HS3ST5: variants seen among roughly 807,000 people sequenced by gnomAD.
The protein encoded by HS3ST5 is heparan sulfate-glucosamine 3-sulfotransferase 5.
In HS3ST5, 10 loss-of-function variants were observed where a neutral mutation model predicts 25.4. The ratio of observed to expected loss-of-function variants is 0.39; its 90% CI spans 0.24 to 0.67. The LOEUF (loss-of-function observed/expected upper bound fraction) is 0.67, where lower values mean the gene tolerates loss of function less well. HS3ST5 is among the 30% of genes least tolerant of loss of function. The pLI, the probability that HS3ST5 is intolerant of heterozygous loss-of-function variation, is 0.44. For missense variants in HS3ST5, 324 were observed against 420.7 expected (o/e 0.77, Z 2.01); for synonymous variants, 170 against 162.4 (o/e 1.05, Z -0.36).
At chr6:114,182,907 C>G (rs1780037477) in intron 2 of HS3ST5, among the ~76,000 whole-genome samples, 1 of 152,138 alleles carries the variant, frequency 6.6e-6, no homozygotes, top group South Asian at 2.1e-4. Context: ...TTAACATTAT[C>G]CAATTAGTTA....
chr6:114,082,356 A>T (rs1371486318), intron 3 of HS3ST5, among the ~76,000 whole-genome samples: 1 of 152,192 alleles, frequency 6.6e-6, no homozygotes, highest in Admixed American at 6.5e-5. Flanking sequence ...CTCCTCAAAA[A>T]ATTAATCTGA....
chr6:114,334,716 T>C (rs1397506930), intron 1 of HS3ST5, among the ~76,000 whole-genome samples: 1 of 152,206 alleles, frequency 6.6e-6, no homozygotes, highest in African/African-American at 2.4e-5. Context: ...CCATCCAGGT[T>C]TGTATAAGTA....
chr6:114,306,263 A>ACC (rs1203626502), intron 1 of HS3ST5, among the ~76,000 whole-genome samples: 1 of 133,966 alleles, frequency 7.5e-6, no homozygotes, highest in Non-Finnish European at 1.7e-5. Flanking sequence ...ATATACACAC[A>ACC]CACACACACA....
At chr6:114,237,301 A>G (rs749316038) in intron 1 of HS3ST5, among the ~76,000 whole-genome samples, 4 of 151,762 alleles carry the variant, frequency 2.6e-5, no homozygotes, top group Non-Finnish European at 5.9e-5. Context: ...AAGTTCAAAT[A>G]AGTCAAAAAT....
intron 3 of HS3ST5, among the ~76,000 whole-genome samples, chr6:114,150,421 A>T (rs541767980): frequency 1.3e-5 from 2 of 152,254 alleles, no homozygotes; most frequent in Non-Finnish European, 2.9e-5. Context: ...AAGCAAACGT[A>T]TAGAGGCCCA....
chr6:114,132,790 G>T (rs1037825737), intron 3 of HS3ST5, among the ~76,000 whole-genome samples: 1 of 152,174 alleles, frequency 6.6e-6, no homozygotes, highest in Non-Finnish European at 1.5e-5. Flanking sequence ...GCTAACGGCT[G>T]GACCTTGAGG....
intron 1 of HS3ST5, among the ~76,000 whole-genome samples, chr6:114,261,327 TGAG>T (rs1773162185): frequency 6.6e-6 from 1 of 152,148 alleles, no homozygotes; most frequent in Non-Finnish European, 1.5e-5. Context: ...CATGGGAAGT[TGAG>T]GGATTGGGTA....
intron 1 of HS3ST5, among the ~76,000 whole-genome samples, chr6:114,247,676 T>C (rs1219268477): frequency 1.3e-5 from 2 of 151,896 alleles, no homozygotes; most frequent in Non-Finnish European, 2.9e-5. Context: ...AGCATTCTGT[T>C]TTCTAGTCAT....
rs751584987 is a variant in HS3ST5, at chr6:114,057,367, G to C, written c.931C>G (p.Arg311Gly). Residue 311 changes from arginine (R) to glycine (G), a missense_variant, in exon 5 of 5, where the codon CGC (arginine) becomes GGC (glycine). By Grantham distance (125) the Arg-to-Gly change is moderately radical. Transcript: ENST00000312719. ...FNKCLAGSKG[R>G]IHPEVDPSVI... ...GAGGGGTCCACCTCTGGATGAATGCGCCCCTTGCTGCCCGCCAGGCACTTA... is the reference window on the plus strand; with the variant it reads ...GAGGGGTCCACCTCTGGATGAATGCCCCCCTTGCTGCCCGCCAGGCACTTA... 6.2e-7 allele frequency: 1 copy of C among 1,613,936 alleles called. No homozygotes were observed. Among genetic ancestry groups the C allele is most frequent in the East Asian group, 2.2e-5 (1 of 44,864 alleles).
In HS3ST5 at chr6:114,322,847, C is replaced by T. The variant is rs373608581; in HGVS notation, c.-339+19348G>A. On this transcript the variant is annotated intron_variant, in intron 1 of 4. Transcript: ENST00000312719. ...CTTCACAAATATTTGCATCTCCACCCGGGGGTAGGAAAATTATATTTCCTT... is the reference window on the plus strand; with the variant it reads ...CTTCACAAATATTTGCATCTCCACCTGGGGGTAGGAAAATTATATTTCCTT... Among the ~76,000 whole-genome samples, 50 of 152,266 alleles carry T rather than the reference C, an allele frequency of 3.3e-4. No homozygotes were observed. The East Asian group carries it at 7.5e-3, about 23-fold the overall frequency.
intron 1 of HS3ST5, among the ~76,000 whole-genome samples, chr6:114,308,969 G>A (rs753067488): frequency 2.0e-5 from 3 of 152,124 alleles, no homozygotes; most frequent in Admixed American, 6.5e-5. Context: ...CATGTTAACC[G>A]GCAACTAGGA....
At chr6:114,091,038 C>T (rs1296313356) in intron 3 of HS3ST5, among the ~76,000 whole-genome samples, 1 of 152,154 alleles carries the variant, frequency 6.6e-6, no homozygotes, top group Non-Finnish European at 1.5e-5. Context: ...AAAACTATTT[C>T]TTTCATTTCA....
At chr6:114,076,797 C>T (rs760835978) in intron 3 of HS3ST5, among the ~76,000 whole-genome samples, 8 of 152,070 alleles carry the variant, frequency 5.3e-5, no homozygotes, top group Non-Finnish European at 7.4e-5. Context: ...CGTGTCAAGT[C>T]GAATGGGAGA....
intron 3 of HS3ST5, among the ~76,000 whole-genome samples, chr6:114,085,923 A>T (rs912253340): frequency 7.4e-6 from 1 of 134,612 alleles, no homozygotes; most frequent in Non-Finnish European, 1.6e-5. Flanking sequence ...TTAAATTCAT[A>T]TAAATTCATT....
At chr6:114,218,285 G>A (rs1360534472) in intron 2 of HS3ST5, among the ~76,000 whole-genome samples, 3 of 152,182 alleles carry the variant, frequency 2.0e-5, no homozygotes, top group East Asian at 3.9e-4. Flanking sequence ...GGAGTGAGCC[G>A]CCGTGCCCGG....
chr6:114,308,212 T>C (rs1010874193), intron 1 of HS3ST5, among the ~76,000 whole-genome samples: 1 of 152,204 alleles, frequency 6.6e-6, no homozygotes, highest in African/African-American at 2.4e-5. Context: ...AAATTATCTC[T>C]GGAGCATAAG....
At chr6:114,341,608 T>G (rs1776877358) in intron 1 of HS3ST5, among the ~76,000 whole-genome samples, 3 of 136,208 alleles carry the variant, frequency 2.2e-5, no homozygotes, top group Non-Finnish European at 3.2e-5. Flanking sequence ...CGCGCGCGTG[T>G]GTGTTGGGTG....
At chr6:114,091,200 C>T (rs957460707) in intron 3 of HS3ST5, among the ~76,000 whole-genome samples, 5 of 152,056 alleles carry the variant, frequency 3.3e-5, no homozygotes, top group African/African-American at 7.2e-5. Flanking sequence ...CTCATTAGCC[C>T]CACTGAACTG....
At chr6:114,309,739 A>T (rs1243715878) in intron 1 of HS3ST5, among the ~76,000 whole-genome samples, 1 of 152,214 alleles carries the variant, frequency 6.6e-6, no homozygotes, top group South Asian at 2.1e-4. Flanking sequence ...CTTTGTCTCA[A>T]AAACAACAAA....
Sources: allele counts gnomAD v4.1 joint callset (sites outside exome capture counted in the v4.1 genomes callset), GRCh38; gene constraint gnomAD v4.1.1; transcripts MANE v1.5; gene names NCBI Gene and HGNC (gene_info 2026-07-23, HGNC 2026-07-21).